Variants in SCN2A observed in about 807,000 individuals in gnomAD.
The protein encoded by SCN2A is sodium voltage-gated channel alpha subunit 2.
In SCN2A, 20 loss-of-function variants were observed where a neutral mutation model predicts 188.7. That is an observed-to-expected ratio of 0.11 (90% CI 0.07 to 0.15). The LOEUF is 0.15. SCN2A is among the 10% of genes least tolerant of loss of function. The probability of loss-of-function intolerance (pLI) is 1.00; values close to 1 mark genes in which losing one functional copy is unlikely to be tolerated. For missense variants in SCN2A, 1,278 were observed against 2,445.0 expected, an observed-to-expected ratio of 0.52 and a Z score of 10.07; for synonymous variants, 804 against 833.1, an observed-to-expected ratio of 0.97 and a Z score of 0.60.
intron 16 of SCN2A, 103 bp from the exon 17 acceptor site, chr2:165,354,089 T>C (rs536660347): frequency 7.2e-7 from 1 of 1,381,866 alleles, no homozygotes; most frequent in Admixed American, 1.7e-5. Flanking sequence ...AAATGCATGT[T>C]AGAATAAAAT....
At chr2:165,339,458 G>A (rs947951841) in intron 14 of SCN2A, among the ~76,000 whole-genome samples, 6 of 151,802 alleles carry the variant, frequency 4.0e-5, no homozygotes, top group African/African-American at 1.5e-4. Context: ...TTGAAATGTG[G>A]TAAATTATCT....
At chr2:165,351,275 G>C (rs984917359) in intron 16 of SCN2A, among the ~76,000 whole-genome samples, 1 of 152,026 alleles carries the variant, frequency 6.6e-6, no homozygotes, top group Non-Finnish European at 1.5e-5. Flanking sequence ...GTGTCACCAC[G>C]GGTAGATTGG....
rs374590345 is a variant in SCN2A, at chr2:165,291,218, T to A, written c.-51-4555T>A. Among the ~76,000 whole-genome samples, 14 of 151,538 alleles carry A rather than the reference T, an allele frequency of 9.2e-5. No homozygotes were observed. In the South Asian group the frequency reaches 2.9e-3, roughly 32 times the overall value. ...CACCATGCCCGGCTAATTTTTTCTA[T>A]TTTTTAGTAGAGATGGGGTTTCATC... On this transcript the variant is annotated intron_variant, in intron 1 of 26. Transcript: ENST00000375437.
In SCN2A at chr2:165,307,160, A is replaced by G. The variant is rs537241567; in HGVS notation, c.387-688A>G. Among the ~76,000 whole-genome samples, 20 of 152,266 alleles carry G rather than the reference A, an allele frequency of 1.3e-4. No homozygotes were observed. The East Asian group carries it at 3.9e-3, about 29-fold the overall frequency. ...GCAATTCATTGAGCATCTATTACGCACTAGGGCCATTAAGTTGAAGGAGAC... is the reference window on the plus strand; with the variant it reads ...GCAATTCATTGAGCATCTATTACGCGCTAGGGCCATTAAGTTGAAGGAGAC... On this transcript the variant is annotated intron_variant, in intron 3 of 26. Coordinates refer to ENST00000375437, the MANE Select transcript of SCN2A (RefSeq NM_001040142.2).
At chr2:165,348,432 A>G (rs1239808033) in intron 16 of SCN2A, among the ~76,000 whole-genome samples, 3 of 151,724 alleles carry the variant, frequency 2.0e-5, no homozygotes, top group Non-Finnish European at 2.9e-5. Context: ...CCAAGTCCCC[A>G]AAGATAGAGA....
intron 1 of SCN2A, among the ~76,000 whole-genome samples, chr2:165,274,647 A>G (rs1012075299): frequency 1.3e-5 from 2 of 152,246 alleles, no homozygotes; most frequent in Non-Finnish European, 2.9e-5. Flanking sequence ...GGTTAAAAAC[A>G]GAATCCCTTT....
chr2:165,374,059 G>A (rs1029727955), intron 21 of SCN2A, among the ~76,000 whole-genome samples: 2 of 152,052 alleles, frequency 1.3e-5, no homozygotes, highest in Non-Finnish European at 2.9e-5. Context: ...TTCTAACTAA[G>A]AAAATAGTTA....
chr2:165,244,729 T>A (rs1462452628), intron 1 of SCN2A, among the ~76,000 whole-genome samples: 4 of 152,214 alleles, frequency 2.6e-5, no homozygotes, highest in Admixed American at 2.0e-4. Flanking sequence ...GTGTTTTGAA[T>A]TGTTTAGATT....
chr2:165,250,706 GC>G (rs1253682444), intron 1 of SCN2A, among the ~76,000 whole-genome samples: 17 of 152,054 alleles, frequency 1.1e-4, no homozygotes, highest in Non-Finnish European at 2.4e-4. Flanking sequence ...CGTCAAGAAT[GC>G]AGCTTATAAA....
At chr2:165,378,436 T>C (rs964342814) in intron 23 of SCN2A, among the ~76,000 whole-genome samples, 2 of 151,554 alleles carry the variant, frequency 1.3e-5, no homozygotes, top group African/African-American at 4.8e-5. Context: ...AGTTATGAGA[T>C]TTTTCTGAAT....
intron 17 of SCN2A, 79 bp downstream of exon 17, chr2:165,354,750 G>A (rs1025150626): frequency 2.3e-5 from 32 of 1,418,872 alleles, no homozygotes; most frequent in Non-Finnish European, 2.8e-5. Flanking sequence ...TTTAAATTGC[G>A]TGTTTCCTTC....
chr2:165,370,521 C>T, intron 20 of SCN2A: 1 of 421,658 alleles, frequency 2.4e-6, no homozygotes, highest in Non-Finnish European at 4.2e-6. Context: ...TACTTATTCA[C>T]TTAATTTCAA....
rs1291680775 is a variant in SCN2A at position 165,291,574 on chromosome 2, T to TTCC, written c.-51-4198_-51-4197insCCT. On this transcript the variant is annotated intron_variant, in intron 1 of 26. Coordinates refer to ENST00000375437, the MANE Select transcript of SCN2A (RefSeq NM_001040142.2). The stretch of plus-strand genomic sequence containing the variant: ...CTTCCTTCCTTCCTTCCTTCCTTCC[T>TTCC]TTCTCTCTCTCTCTCTCTCTCTCTC... 1.1e-3 allele frequency among the ~76,000 whole-genome samples: 96 copies of TTCC among 88,642 alleles called. 2 individuals carry two copies. The highest frequency in any genetic ancestry group is 5.6e-3 in the East Asian group (10 of 1,776). 58.2% of individuals were successfully genotyped at this position (88,642 alleles called of 152,430 possible).
chr2:165,341,004 A>G (rs918189601), intron 14 of SCN2A, among the ~76,000 whole-genome samples: 16 of 152,206 alleles, frequency 1.1e-4, no homozygotes. Flanking sequence ...AAATCTGGCC[A>G]TAAGGAAAGG....
At chr2:165,324,440 G>T (rs1391802870) in intron 12 of SCN2A, among the ~76,000 whole-genome samples, 1 of 152,022 alleles carries the variant, frequency 6.6e-6, no homozygotes, top group Non-Finnish European at 1.5e-5. Context: ...TCTTATCTTG[G>T]ATTATAAAAT....
intron 23 of SCN2A, among the ~76,000 whole-genome samples, chr2:165,378,718 A>G (rs1265177943): frequency 6.6e-6 from 1 of 151,778 alleles, no homozygotes; most frequent in African/African-American, 2.4e-5. Flanking sequence ...CTTATATGCC[A>G]TGAAACATTT....
chr2:165,270,936 A>G (rs1456391724), intron 1 of SCN2A: 2 of 152,074 alleles, frequency 1.3e-5, no homozygotes, highest in African/African-American at 2.4e-5. Context: ...TTGGCCAGTG[A>G]CGTAGCCTTA....
At position 165,373,424 on chromosome 2, in the gene SCN2A, A is replaced by G. The variant is rs1304739628; in HGVS notation, c.3972+77A>G. The G allele has an allele frequency of 2.6e-6, 4 of 1,513,598 alleles. No individual in the cohort carries two copies. The East Asian group carries it at 6.8e-5, about 26-fold the overall frequency. The allele number at this position is 1,513,598 out of a possible 1,614,324, so 93.8% of individuals were successfully genotyped here. On this transcript the variant is annotated intron_variant, in intron 21 of 26. Transcript: ENST00000375437. ...ACACTTTGTACCATGGAAATGTCAA[A>G]TTTATGGAGAATTTGTGTCTTACAC... is the stretch of plus-strand genomic sequence containing the variant.
In SCN2A at chr2:165,391,162, A is replaced by G. The variant is rs1297630768; in HGVS notation, c.*1338A>G. 4 of 152,532 alleles carry G rather than the reference A, an allele frequency of 2.6e-5. No individual in the cohort carries two copies. The highest frequency in any genetic ancestry group is 9.7e-5 in the African/African-American group (4 of 41,442). 9.4% of individuals were successfully genotyped at this position (152,532 alleles called of 1,614,324 possible). On this transcript the variant is annotated 3_prime_UTR_variant, in exon 27 of 27. Transcript: ENST00000375437. ...AGTCTAATATGGGAAGCCATATATCAGTGGTAAAGTGAAGCAAATTGTTCT... is the reference window on the plus strand; with the variant it reads ...AGTCTAATATGGGAAGCCATATATCGGTGGTAAAGTGAAGCAAATTGTTCT...
Sources: gnomAD v4.1 joint callset for allele counts (sites outside exome capture counted in the v4.1 genomes callset) on GRCh38, gnomAD v4.1.1 for gene constraint, MANE v1.5 for transcripts, NCBI Gene and HGNC (gene_info 2026-07-23, HGNC 2026-07-21) for gene names.